The following FHL5 variants were observed in gnomAD, a reference collection of about 807,000 sequenced individuals.
The protein encoded by FHL5 is four and a half LIM domains 5.
A neutral mutation model predicts 32.0 loss-of-function variants in FHL5; 33 were observed. The ratio of observed to expected loss-of-function variants is 1.03; its 90% CI spans 0.78 to 1.38. FHL5 has a LOEUF of 1.38. Among genes scored for constraint, FHL5 ranks in the 40% most tolerant of loss-of-function variants. The pLI is 0.00. For missense variants in FHL5, 336 were observed against 343.9 expected, an observed-to-expected ratio of 0.98 and a Z score of 0.18; for synonymous variants, 114 against 113.6, an observed-to-expected ratio of 1.00 and a Z score of -0.02.
At chr6:96,571,270 C>T (rs1770469886) in intron 1 of FHL5, among the ~76,000 whole-genome samples, 1 of 152,120 alleles carries the variant, frequency 6.6e-6, no homozygotes, top group Non-Finnish European at 1.5e-5. Flanking sequence ...TATTCAAGGT[C>T]AGGAATAACT....
intron 5 of FHL5, 115 bp from the exon 6 acceptor site, chr6:96,615,494 C>T (rs753671592): frequency 1.3e-6 from 1 of 741,746 alleles, no homozygotes; most frequent in East Asian, 3.0e-5. Context: ...GGGTTATTTG[C>T]CTCTGCGTTG....
chr6:96,571,481 G>A (rs920573458), intron 1 of FHL5, among the ~76,000 whole-genome samples: 1 of 152,174 alleles, frequency 6.6e-6, no homozygotes, highest in African/African-American at 2.4e-5. Context: ...GGTTCTACGT[G>A]CAGTGATCAG....
intron 1 of FHL5, among the ~76,000 whole-genome samples, chr6:96,572,977 G>C (rs911032993): frequency 1.3e-5 from 2 of 152,138 alleles, no homozygotes; most frequent in Non-Finnish European, 2.9e-5. Context: ...AGCACTAGGG[G>C]CTTCTAGTTG....
chr6:96,603,679 A>G lies in FHL5; in HGVS notation c.66A>G (p.Leu22=). Reference sequence around the variant, plus strand: ...CACTTCTTGGGAAGAAATATGTACTAAAGGATGACAGTCCATACTGTGTTA... The same window carrying G: ...CACTTCTTGGGAAGAAATATGTACTGAAGGATGACAGTCCATACTGTGTTA... ...TASLLGKKYV[L]KDDSPYCVTC... is the part of the protein sequence containing the mutation. The change falls in exon 2 of 6, where the codon CTA becomes CTG. Residue 22 remains leucine, a synonymous_variant. Transcript: ENST00000450218. The G allele has an allele frequency of 1.2e-6, 2 of 1,611,524 alleles. No individual in the cohort carries two copies. Among genetic ancestry groups the G allele is most frequent in the Non-Finnish European group, 1.7e-6 (2 of 1,178,016 alleles).
intron 1 of FHL5, among the ~76,000 whole-genome samples, chr6:96,584,337 T>C (rs1383417654): frequency 1.3e-5 from 2 of 151,886 alleles, no homozygotes; most frequent in South Asian, 2.1e-4. Flanking sequence ...ACATTAGAAA[T>C]AGAAGAGGAG....
intron 1 of FHL5, among the ~76,000 whole-genome samples, chr6:96,581,741 G>A (rs887203808): frequency 2.0e-5 from 3 of 152,138 alleles, no homozygotes; most frequent in Non-Finnish European, 4.4e-5. Context: ...GGATAATGAA[G>A]GTGATCTCCA....
In FHL5 at chr6:96,604,848, G is replaced by A; in HGVS notation, c.258G>A (p.Glu86=). 1 of 1,614,096 alleles carries A rather than the reference G, an allele frequency of 6.2e-7. No individual in the cohort carries two copies. The highest frequency in any genetic ancestry group is 8.5e-7 in the Non-Finnish European group (1 of 1,179,946). ...AAAAGCCTTTTGCTGCCAAGGATGA[G>A]CGCCTGCTGTGCACGGAGTGCTATT... ...LVEKPFAAKD[E]RLLCTECYSN... is the part of the protein sequence containing the mutation. The change falls in exon 3 of 6, where the codon GAG becomes GAA. Residue 86 remains glutamate, a synonymous_variant. Coordinates refer to ENST00000450218, the MANE Select transcript of FHL5 (RefSeq NM_001322466.2).
chr6:96,594,968 T>G (rs549878551), intron 1 of FHL5, among the ~76,000 whole-genome samples: 4 of 152,022 alleles, frequency 2.6e-5, no homozygotes, highest in Non-Finnish European at 5.9e-5. Context: ...TTATTATGTG[T>G]TTTTGAACCC....
rs548226534 is a variant in FHL5 at position 96,617,807 on chromosome 6, C to T, written c.*2035C>T. The stretch of plus-strand genomic sequence containing the variant: ...GGCAGTGAGTATGCACATGATCAGA[C>T]TTGTATTCTAGCTTTACAATTAAAA... On this transcript the variant is annotated 3_prime_UTR_variant, in exon 6 of 6. Coordinates refer to ENST00000450218, the MANE Select transcript of FHL5 (RefSeq NM_001322466.2). Among the ~76,000 whole-genome samples, 41 of 152,244 alleles carry T rather than the reference C, an allele frequency of 2.7e-4. No homozygotes were observed. Among genetic ancestry groups the T allele is most frequent in the African/African-American group, 9.6e-4 (40 of 41,548 alleles).
At position 96,607,987 on chromosome 6, in the gene FHL5, C is replaced by A. The variant is rs185227577; in HGVS notation, c.504+1916C>A. On this transcript the variant is annotated intron_variant, in intron 4 of 5. Coordinates refer to ENST00000450218, the MANE Select transcript of FHL5 (RefSeq NM_001322466.2). ...AGCCTGGGTGACAATGAGATCCTAT[C>A]TCTAAAAAATATACAAAACTTAAAA... Among the ~76,000 whole-genome samples the A allele has an allele frequency of 4.6e-5, 7 of 152,012 alleles. No homozygotes were observed. The East Asian group carries it at 5.8e-4, about 13-fold the overall frequency.
intron 1 of FHL5, among the ~76,000 whole-genome samples, chr6:96,585,135 G>A (rs1384375705): frequency 6.6e-6 from 1 of 152,140 alleles, no homozygotes. Context: ...GTTAATTGTA[G>A]ATTAAACCTA....
intron 1 of FHL5, among the ~76,000 whole-genome samples, 188 bp from the exon 2 acceptor site, chr6:96,603,414 G>A (rs1314958169): frequency 1.3e-5 from 2 of 152,046 alleles, no homozygotes; most frequent in African/African-American, 4.8e-5. Context: ...CAAGATGGGA[G>A]AGTAATCTTT....
chr6:96,565,642 T>C (rs1451686238), intron 1 of FHL5, among the ~76,000 whole-genome samples: 1 of 152,128 alleles, frequency 6.6e-6, no homozygotes, highest in Non-Finnish European at 1.5e-5. Flanking sequence ...TCTCCTCCCA[T>C]TTAAAAATAT....
chr6:96,576,527 C>A (rs1172411668), intron 1 of FHL5, among the ~76,000 whole-genome samples: 2 of 152,318 alleles, frequency 1.3e-5, no homozygotes, highest in South Asian at 4.1e-4. Flanking sequence ...AGGTAAAGAC[C>A]TTTACTTTAC....
chr6:96,564,164 T>C (rs1407272156), intron 1 of FHL5, among the ~76,000 whole-genome samples: 1 of 152,156 alleles, frequency 6.6e-6, no homozygotes. Context: ...ATTAACAAAA[T>C]GCATAGCTCT....
chr6:96,614,878 A>C (rs896112052), intron 5 of FHL5, among the ~76,000 whole-genome samples: 1 of 152,220 alleles, frequency 6.6e-6, no homozygotes, highest in Non-Finnish European at 1.5e-5. Context: ...CCCAAGTTAA[A>C]GTGGAGGAGG....
rs551610774 is a variant in FHL5 at position 96,570,252 on chromosome 6, A to G, written c.-13+6897A>G. On this transcript the variant is annotated intron_variant, in intron 1 of 5. Coordinates refer to ENST00000450218, the MANE Select transcript of FHL5 (RefSeq NM_001322466.2). ...GAAGGATAACTTTGCTGGGTATAGT[A>G]TTCTTAGCTAGCAATTTTTTTTCTT... 4.3e-4 allele frequency among the ~76,000 whole-genome samples: 66 copies of G among 152,186 alleles called. No homozygotes were observed. The South Asian group carries it at 4.4e-3, about 10-fold the overall frequency.
chr6:96,583,953 C>G (rs185334661), intron 1 of FHL5, among the ~76,000 whole-genome samples: 19 of 151,948 alleles, frequency 1.3e-4, no homozygotes, highest in Non-Finnish European at 2.8e-4. Context: ...GAATTCTTTT[C>G]GTATATGTGT....
At chr6:96,591,297 G>GA (rs1770911099) in intron 1 of FHL5, among the ~76,000 whole-genome samples, 1 of 151,996 alleles carries the variant, frequency 6.6e-6, no homozygotes, top group African/African-American at 2.4e-5. Context: ...AATTTTAATA[G>GA]TTTTATTTAT....
Sources: gnomAD v4.1 joint callset for allele counts (sites outside exome capture counted in the v4.1 genomes callset) on GRCh38, gnomAD v4.1.1 for gene constraint, MANE v1.5 for transcripts, NCBI Gene and HGNC (gene_info 2026-07-23, HGNC 2026-07-21) for gene names.